The following KLF8 variants were observed in gnomAD, a reference collection of about 807,000 sequenced individuals.
KLF8 encodes the protein Krueppel-like factor 8.
In KLF8, 10 loss-of-function variants were observed where a neutral mutation model predicts 18.2. That is an observed-to-expected ratio of 0.55 (90% CI 0.34 to 0.93). The LOEUF is 0.93. Among genes scored for constraint, KLF8 ranks in the 40% least tolerant of loss-of-function variants. The pLI is 0.02. For synonymous variants in KLF8, 109 were observed against 97.3 expected (o/e 1.12, Z -0.71); for missense variants, 264 against 277.9 (o/e 0.95, Z 0.36).
the KLF8 span, among the ~76,000 whole-genome samples, chrX:55,976,311 G>A: frequency 9.0e-6 from 1 of 110,530 alleles, no homozygotes; most frequent in Non-Finnish European, 1.9e-5. Context: ...TTAGATCTCT[G>A]GAACTTATTC....
chrX:55,946,923 A>G, the KLF8 span, among the ~76,000 whole-genome samples: 1 of 111,990 alleles, frequency 8.9e-6, no homozygotes, highest in East Asian at 2.8e-4. Context: ...AATGCAAATC[A>G]AAACCACAAT....
At chrX:56,045,381 CT>C in the KLF8 span, among the ~76,000 whole-genome samples, 17 of 109,940 alleles carry the variant, frequency 1.5e-4, no homozygotes, top group Non-Finnish European at 2.7e-4. Flanking sequence ...CCTATGAAAA[CT>C]TTTTTTTTCG....
At chrX:56,202,559 T>TCCCCCCCCCCC in the KLF8 span, among the ~76,000 whole-genome samples, 2 of 75,801 alleles carry the variant, frequency 2.6e-5, no homozygotes, top group African/African-American at 4.8e-5. Flanking sequence ...CCATTAACCT[T>TCCCCCCCCCCC]CCCCCCCCCT....
chrX:56,083,035 G>A, the KLF8 span, among the ~76,000 whole-genome samples: 1 of 111,374 alleles, frequency 9.0e-6, no homozygotes, highest in African/African-American at 3.3e-5. Flanking sequence ...CTTATATCTA[G>A]TTAATTAAGT....
the KLF8 span, among the ~76,000 whole-genome samples, chrX:56,058,297 T>C: frequency 1.3e-3 from 78 of 58,215 alleles, 2 homozygotes; most frequent in South Asian, 6.6e-3. Context: ...TATATATATA[T>C]ATATATATAT....
chrX:55,983,927 C>T, the KLF8 span, among the ~76,000 whole-genome samples: 2 of 109,681 alleles, frequency 1.8e-5, no homozygotes, highest in African/African-American at 6.6e-5. Flanking sequence ...GTTTCCAGTT[C>T]CACCCAAGTT....
At chrX:56,118,123 A>G in the KLF8 span, among the ~76,000 whole-genome samples, 5 of 111,739 alleles carry the variant, frequency 4.5e-5, no homozygotes, top group Admixed American at 9.5e-5. Context: ...TTTCAACATA[A>G]GAATGAGGGC....
chrX:56,266,744 G>A (rs1303297667), intron 3 of KLF8: 6 of 751,112 alleles, frequency 8.0e-6, no homozygotes, highest in South Asian at 1.4e-4. Flanking sequence ...TGCATAAATC[G>A]GAAAGGCCAA....
the KLF8 span, among the ~76,000 whole-genome samples, chrX:55,950,123 A>G: frequency 8.3e-4 from 92 of 111,380 alleles, no homozygotes; most frequent in African/African-American, 2.6e-3. Flanking sequence ...CTCTTTATGA[A>G]TAGTCATTAT....
intron 5 of KLF8, among the ~76,000 whole-genome samples, chrX:56,281,394 C>A (rs1444583778): frequency 8.9e-6 from 1 of 111,846 alleles, no homozygotes; most frequent in Admixed American, 9.5e-5. Context: ...TATTAGCTAG[C>A]CTTGGAACTT....
the KLF8 span, among the ~76,000 whole-genome samples, chrX:55,946,791 A>T: frequency 9.0e-6 from 1 of 110,968 alleles, no homozygotes; most frequent in African/African-American, 3.3e-5. Flanking sequence ...AATTTACAAG[A>T]AAAAAACAAA....
chrX:56,272,325 C>T lies in KLF8; in HGVS notation c.898+2004C>T, dbSNP rs745937652. On this transcript the variant is annotated intron_variant, in intron 5 of 5. Coordinates refer to ENST00000468660, the MANE Select transcript of KLF8 (RefSeq NM_007250.5). ...TCCTGGGTTCAAGCGATTCTCATGT[C>T]TCAGCCACCCGAGTAGCTGGGATTA... is the stretch of plus-strand genomic sequence containing the variant. Among the ~76,000 whole-genome samples, 56 of 110,941 alleles carry T rather than the reference C, an allele frequency of 5.0e-4. No homozygotes were observed. The South Asian group carries it at 7.4e-3, about 15-fold the overall frequency.
At chrX:56,188,466 A>G in the KLF8 span, among the ~76,000 whole-genome samples, 2 of 111,846 alleles carry the variant, frequency 1.8e-5, no homozygotes, top group African/African-American at 6.5e-5. Context: ...TATAGATTCA[A>G]TGCCATCCCC....
the KLF8 span, among the ~76,000 whole-genome samples, chrX:55,935,032 T>C: frequency 8.9e-6 from 1 of 112,015 alleles, no homozygotes. Flanking sequence ...ATTAGTTTCA[T>C]ACTAATACTA....
chrX:56,090,030 A>G, the KLF8 span, among the ~76,000 whole-genome samples: 1 of 112,086 alleles, frequency 8.9e-6, no homozygotes, highest in African/African-American at 3.2e-5. Context: ...GGAGGAAGGG[A>G]AATACTCAAC....
chrX:56,108,835 TC>T, the KLF8 span, among the ~76,000 whole-genome samples: 42 of 112,070 alleles, frequency 3.7e-4, 2 homozygotes, highest in South Asian at 0.016. Context: ...GCTGTAAAAT[TC>T]CCACTGAGCA....
intron 3 of KLF8, chrX:56,268,905 C>G (rs1383860491): frequency 2.3e-5 from 22 of 942,869 alleles, no homozygotes; most frequent in Non-Finnish European, 2.5e-5. Context: ...TGACTTATTT[C>G]TGTTTAGGAG....
the KLF8 span, among the ~76,000 whole-genome samples, chrX:56,060,202 G>A: frequency 9.0e-6 from 1 of 111,483 alleles, no homozygotes; most frequent in African/African-American, 3.3e-5. Flanking sequence ...GATTGCCCTG[G>A]CCGGAACTTT....
chrX:55,944,122 C>A, the KLF8 span, among the ~76,000 whole-genome samples: 1 of 111,121 alleles, frequency 9.0e-6, no homozygotes, highest in Non-Finnish European at 1.9e-5. Flanking sequence ...TGTTTATATG[C>A]TGGATTACAT....
Sources: allele counts gnomAD v4.1 joint callset (sites outside exome capture counted in the v4.1 genomes callset), GRCh38; gene constraint gnomAD v4.1.1; transcripts MANE v1.5; gene names NCBI Gene and HGNC (gene_info 2026-07-23, HGNC 2026-07-21).